GALNT7: variants seen among roughly 807,000 people sequenced by gnomAD.
The protein encoded by GALNT7 is polypeptide N-acetylgalactosaminyltransferase 7.
Under a neutral mutation model 82.1 loss-of-function variants are expected in GALNT7, and 60 were observed. The ratio of observed to expected loss-of-function variants is 0.73; its 90% CI spans 0.59 to 0.91. GALNT7 has a LOEUF of 0.91. GALNT7 is among the 40% of genes least tolerant of loss of function. GALNT7 has a pLI of 0.00. For synonymous variants in GALNT7, 243 were observed against 275.1 expected (o/e 0.88, Z 1.15); for missense variants, 660 against 804.2 (o/e 0.82, Z 2.17).
At chr4:173,321,168 GA>G (rs1431278226) in intron 11 of GALNT7, among the ~76,000 whole-genome samples, 1 of 152,136 alleles carries the variant, frequency 6.6e-6, no homozygotes, top group Non-Finnish European at 1.5e-5. Context: ...CGATGGGAAG[GA>G]ATATAAACCA....
chr4:173,211,306 G>A (rs1033910520), intron 1 of GALNT7, among the ~76,000 whole-genome samples: 6 of 152,144 alleles, frequency 3.9e-5, no homozygotes, highest in Non-Finnish European at 5.9e-5. Flanking sequence ...TCTCTGCTCT[G>A]TGTGAGCCTG....
intron 1 of GALNT7, among the ~76,000 whole-genome samples, chr4:173,193,993 A>G (rs1162701646): frequency 6.6e-6 from 1 of 152,206 alleles, no homozygotes; most frequent in East Asian, 1.9e-4. Flanking sequence ...TTCATATGCT[A>G]TGTAGTTATA....
Position 173,310,956 on chromosome 4 carries a change from G to A in GALNT7, c.1390-3002G>A, listed in dbSNP as rs370418111. On this transcript the variant is annotated intron_variant, in intron 8 of 11. Coordinates refer to ENST00000265000, the MANE Select transcript of GALNT7 (RefSeq NM_017423.3). ...TCACCATGTTGGCCAGGCTGGTCTCGAACTCTGCCTCCCAAAGTGCTGGGA... is the reference window on the plus strand; with the variant it reads ...TCACCATGTTGGCCAGGCTGGTCTCAAACTCTGCCTCCCAAAGTGCTGGGA... 5.3e-4 allele frequency among the ~76,000 whole-genome samples: 80 copies of A among 152,198 alleles called. 1 individual carries two copies. The South Asian group carries it at 7.9e-3, about 15-fold the overall frequency.
intron 1 of GALNT7, among the ~76,000 whole-genome samples, chr4:173,241,894 T>C (rs1022452630): frequency 1.3e-5 from 2 of 152,196 alleles, no homozygotes; most frequent in Non-Finnish European, 2.9e-5. Context: ...CTTCACAGAC[T>C]TGCCCACTTG....
At chr4:173,182,817 T>C (rs895044311) in intron 1 of GALNT7, among the ~76,000 whole-genome samples, 3 of 134,820 alleles carry the variant, frequency 2.2e-5, no homozygotes, top group Non-Finnish European at 3.1e-5. Context: ...TTACTCATAA[T>C]ACACACACAC....
chr4:173,272,259 A>G (rs539440357), intron 2 of GALNT7, among the ~76,000 whole-genome samples: 1 of 152,124 alleles, frequency 6.6e-6, no homozygotes, highest in Admixed American at 6.5e-5. Flanking sequence ...CTGTATATGG[A>G]CTATCTGTAG....
At chr4:173,206,543 A>G (rs1361806815) in intron 1 of GALNT7, among the ~76,000 whole-genome samples, 1 of 152,226 alleles carries the variant, frequency 6.6e-6, no homozygotes, top group African/African-American at 2.4e-5. Context: ...ATGACACAAA[A>G]CTATTTAGTA....
At chr4:173,310,777 C>T (rs1737355130) in intron 8 of GALNT7, among the ~76,000 whole-genome samples, 1 of 151,918 alleles carries the variant, frequency 6.6e-6, no homozygotes, top group Non-Finnish European at 1.5e-5. Flanking sequence ...CTCTTGTTGC[C>T]CAGGCTAGAG....
In GALNT7 at chr4:173,192,942, A is replaced by G. The variant is rs1053783640; in HGVS notation, c.126+23981A>G. ...TGTGGTGTTGTCCACTAAAGACGGC[A>G]CAGAGTTGGTTGGTAGGCATAGTAC... On this transcript the variant is annotated intron_variant, in intron 1 of 11. Coordinates refer to ENST00000265000, the MANE Select transcript of GALNT7 (RefSeq NM_017423.3). 3.3e-5 allele frequency among the ~76,000 whole-genome samples: 5 copies of G among 152,164 alleles called. No individual in the cohort carries two copies. In the South Asian group the frequency reaches 1.0e-3, roughly 32 times the overall value.
intron 2 of GALNT7, among the ~76,000 whole-genome samples, chr4:173,267,990 T>G (rs1048929816): frequency 2.0e-5 from 3 of 152,092 alleles, no homozygotes; most frequent in Non-Finnish European, 4.4e-5. Context: ...TATGGTACCC[T>G]CTTCATTGTA....
At chr4:173,284,034 C>T (rs775547958) in intron 2 of GALNT7, among the ~76,000 whole-genome samples, 1 of 152,202 alleles carries the variant, frequency 6.6e-6, no homozygotes. Flanking sequence ...GTTTCCTTGA[C>T]TCTGAAAAAC....
chr4:173,182,785 T>C (rs1732293617), intron 1 of GALNT7, among the ~76,000 whole-genome samples: 1 of 139,750 alleles, frequency 7.2e-6, no homozygotes, highest in Non-Finnish European at 1.5e-5. Context: ...GCGTGTTGCC[T>C]CTGAATGATG....
chr4:173,191,542 G>A (rs1168536901), intron 1 of GALNT7, among the ~76,000 whole-genome samples: 1 of 152,204 alleles, frequency 6.6e-6, no homozygotes, highest in East Asian at 1.9e-4. Flanking sequence ...TGGCACAGTA[G>A]TGGATATAAA....
At chr4:173,281,561 GCTGCACCCTACAGCCAAGGGAGA>G (rs1302983165) in intron 2 of GALNT7, among the ~76,000 whole-genome samples, 1 of 152,132 alleles carries the variant, frequency 6.6e-6, no homozygotes, top group Non-Finnish European at 1.5e-5. Context: ...GGGCTCCCTG[GCTGCACCCTACAGCCAAGGGAGA>G]CTGCACAGCA....
chr4:173,191,156 T>C (rs766528154), intron 1 of GALNT7, among the ~76,000 whole-genome samples: 24 of 151,170 alleles, frequency 1.6e-4, no homozygotes, highest in Admixed American at 2.0e-4. Context: ...AAGGAAGAGG[T>C]TGGGATTATC....
intron 1 of GALNT7, among the ~76,000 whole-genome samples, chr4:173,181,339 C>T (rs894749749): frequency 2.0e-5 from 3 of 152,020 alleles, no homozygotes; most frequent in Middle Eastern, 3.2e-3. Flanking sequence ...GTCCAGTGTT[C>T]GTCAAAGAGG....
At chr4:173,294,459 T>TA (rs1561193306) in intron 3 of GALNT7, among the ~76,000 whole-genome samples, 1 of 152,028 alleles carries the variant, frequency 6.6e-6, no homozygotes, top group African/African-American at 2.4e-5. Context: ...ATGAGTAAAA[T>TA]ATTAAGTATA....
intron 1 of GALNT7, among the ~76,000 whole-genome samples, chr4:173,172,507 T>C (rs1409774666): frequency 6.6e-6 from 1 of 152,182 alleles, no homozygotes; most frequent in Non-Finnish European, 1.5e-5. Flanking sequence ...GGAGACTGCC[T>C]TTCCATGGTG....
At chr4:173,301,751 A>G (rs1736945939) in intron 6 of GALNT7, among the ~76,000 whole-genome samples, 1 of 152,234 alleles carries the variant, frequency 6.6e-6, no homozygotes, top group East Asian at 1.9e-4. Flanking sequence ...AACTAAAACT[A>G]AGGCTTAATT....
Sources: allele counts gnomAD v4.1 joint callset (sites outside exome capture counted in the v4.1 genomes callset), GRCh38; gene constraint gnomAD v4.1.1; transcripts MANE v1.5; gene names NCBI Gene and HGNC (gene_info 2026-07-23, HGNC 2026-07-21).